Variants in TTC19 observed in about 807,000 individuals in gnomAD.
TTC19 encodes the protein tetratricopeptide repeat domain 19.
A neutral mutation model predicts 49.5 loss-of-function variants in TTC19; 38 were observed. The ratio of observed to expected loss-of-function variants is 0.77; its 90% CI spans 0.59 to 1.01. The LOEUF (loss-of-function observed/expected upper bound fraction) is 1.01. TTC19 is among the 50% of genes least tolerant of loss of function. TTC19 has a pLI of 0.00. For missense variants in TTC19, 475 were observed against 477.7 expected, an observed-to-expected ratio of 0.99 and a Z score of 0.05; for synonymous variants, 204 against 185.2, an observed-to-expected ratio of 1.10 and a Z score of -0.83.
Position 16,017,026 on chromosome 17 carries a change from A to G in TTC19, c.677-7991A>G, listed in dbSNP as rs1292036692. ...TTTTTAAAATCTTCTTTCTTTATACATGTTTCTGTGCTCTGTTTAGACAGT... is the reference window on the plus strand; with the variant it reads ...TTTTTAAAATCTTCTTTCTTTATACGTGTTTCTGTGCTCTGTTTAGACAGT... On this transcript the variant is annotated intron_variant, in intron 7 of 9. Transcript: ENST00000261647. Among the ~76,000 whole-genome samples, 3 of 152,086 alleles carry G rather than the reference A, an allele frequency of 2.0e-5. No homozygotes were observed. The East Asian group carries it at 5.8e-4, about 29-fold the overall frequency.
At chr17:16,040,017 G>C (rs11657160) in intron 2 of TTC19, 214,644 of 387,842 alleles carry the variant, frequency 0.55, 61,616 homozygotes, top group African/African-American at 0.73. Context: ...CTCGAATTCC[G>C]AACCTCAGGT....
At position 16,021,245 on chromosome 17, in the gene TTC19, C is replaced by T. The variant is rs563372528; in HGVS notation, c.677-3772C>T. On this transcript the variant is annotated intron_variant, in intron 7 of 9. Coordinates refer to ENST00000261647, the MANE Select transcript of TTC19 (RefSeq NM_017775.4). ...TAATAAAAATACAAAAAAAATTTAG[C>T]TGGGCGTGGTGGCGCACCTGTAGTC... Among the ~76,000 whole-genome samples the T allele has an allele frequency of 5.3e-5, 8 of 152,226 alleles. No homozygotes were observed. In the South Asian group the frequency reaches 1.0e-3, roughly 20 times the overall value.
Position 16,014,906 on chromosome 17 carries a change from AAGATATATGAAT to A in TTC19, c.676+8343_676+8354del, listed in dbSNP as rs1337147379. 2.6e-5 allele frequency among the ~76,000 whole-genome samples: 4 copies of A among 152,316 alleles called. No individual in the cohort carries two copies. In the East Asian group the frequency reaches 7.7e-4, roughly 29 times the overall value. On this transcript the variant is annotated intron_variant, in intron 7 of 9. Transcript: ENST00000261647. Reference sequence around the variant, plus strand: ...TTAGTCTTATATCCAATTTGGTACCAAGATATATGAATAGATTTATTACTATTATATATCTAG... The same window carrying A: ...TTAGTCTTATATCCAATTTGGTACCAAGATTTATTACTATTATATATCTAG...
downstream of TTC19, among the ~76,000 whole-genome samples, chr17:16,032,785 C>T (rs1972430130): frequency 6.6e-6 from 1 of 152,174 alleles, no homozygotes; most frequent in Non-Finnish European, 1.5e-5. Context: ...CAGATGTTTC[C>T]ATGGAGAATC....
chr17:16,011,419 C>T lies in TTC19; in HGVS notation c.676+4851C>T, dbSNP rs530066505. Reference sequence around the variant, plus strand: ...GGTCTCCTGACTTAGGTGATCCACCCGCCCCAGCCTCCCCAAGTGTTGGGA... The same window carrying T: ...GGTCTCCTGACTTAGGTGATCCACCTGCCCCAGCCTCCCCAAGTGTTGGGA... On this transcript the variant is annotated intron_variant, in intron 7 of 9. Coordinates refer to ENST00000261647, the MANE Select transcript of TTC19 (RefSeq NM_017775.4). Among the ~76,000 whole-genome samples the T allele has an allele frequency of 4.6e-5, 7 of 152,254 alleles. No homozygotes were observed. In the East Asian group the frequency reaches 9.6e-4, roughly 21 times the overall value.
At chr17:16,014,590 AG>A (rs1971162018) in intron 7 of TTC19, among the ~76,000 whole-genome samples, 1 of 152,232 alleles carries the variant, frequency 6.6e-6, no homozygotes, top group African/African-American at 2.4e-5. Context: ...AGCATCCCCC[AG>A]AACCGAAGCT....
chr17:16,006,335 C>T (rs979695220), intron 6 of TTC19, 139 bp from the exon 7 acceptor site: 9 of 689,822 alleles, frequency 1.3e-5, no homozygotes, highest in South Asian at 4.6e-5. Context: ...GCTTGAACCC[C>T]GGAGGTGGAG....
intron 2 of TTC19, 185 bp downstream of exon 2, chr17:16,000,430 C>CTT: frequency 6.9e-7 from 1 of 1,444,832 alleles, no homozygotes; most frequent in Non-Finnish European, 9.1e-7. Context: ...TTTTCCGACT[C>CTT]TAAGGCCTGC....
chr17:16,011,460 A>G (rs531664772), intron 7 of TTC19, among the ~76,000 whole-genome samples: 1 of 152,368 alleles, frequency 6.6e-6, no homozygotes, highest in Admixed American at 6.5e-5. Context: ...GGCGTGAGCC[A>G]CCGCGCCCGG....
chr17:16,026,739 G>C (rs200137820), intron 9 of TTC19, 37 bp downstream of exon 9: 6 of 1,609,124 alleles, frequency 3.7e-6, no homozygotes, highest in Non-Finnish European at 5.1e-6. Context: ...CTTGCTTTAA[G>C]GGAGGGATGT....
chr17:16,011,425 A>G (rs1221508843), intron 7 of TTC19, among the ~76,000 whole-genome samples: 4 of 152,082 alleles, frequency 2.6e-5, no homozygotes, highest in Non-Finnish European at 1.5e-5. Flanking sequence ...CACCCGCCCC[A>G]GCCTCCCCAA....
chr17:16,020,690 A>G (rs1299119877), intron 7 of TTC19, among the ~76,000 whole-genome samples: 2 of 151,730 alleles, frequency 1.3e-5, no homozygotes, highest in East Asian at 3.9e-4. Context: ...CCCCCAAGAG[A>G]CAAGGTCTTC....
chr17:16,044,814 C>T, exon 3 of TTC19: 1 of 1,091,618 alleles, frequency 9.2e-7, no homozygotes, highest in South Asian at 1.3e-5. Context: ...AATGTAGGGG[C>T]TGGTGGACCT....
intron 7 of TTC19, chr17:16,023,195 T>TA (rs1971438333): frequency 6.6e-6 from 1 of 152,222 alleles, no homozygotes; most frequent in Non-Finnish European, 1.5e-5. Context: ...GGTCAGAATG[T>TA]GCTGTGAATT....
chr17:16,005,708 A>T (rs1037656844), intron 6 of TTC19, among the ~76,000 whole-genome samples: 1 of 152,224 alleles, frequency 6.6e-6, no homozygotes, highest in Non-Finnish European at 1.5e-5. Flanking sequence ...AGAAACTTTT[A>T]TCAGAGACTT....
chr17:16,019,330 T>A lies in TTC19; in HGVS notation c.677-5687T>A, dbSNP rs55867719. Among the ~76,000 whole-genome samples, 1,186 of 152,250 alleles carry A rather than the reference T, an allele frequency of 7.8e-3. 15 individuals are homozygous for A. The highest frequency in any genetic ancestry group is 0.028 in the African/African-American group (1,143 of 41,544). ...CCTGGGTGACAGAGTGAAGACTCCG[T>A]CTCCAAAACAAAAAAACAATATACA... On this transcript the variant is annotated intron_variant, in intron 7 of 9. Coordinates refer to ENST00000261647, the MANE Select transcript of TTC19 (RefSeq NM_017775.4).
intron 7 of TTC19, among the ~76,000 whole-genome samples, chr17:16,012,250 A>G (rs1161064985): frequency 1.3e-5 from 2 of 152,140 alleles, no homozygotes; most frequent in African/African-American, 4.8e-5. Flanking sequence ...GCACTTTGGG[A>G]GGCCAAGGCG....
At chr17:16,042,908 G>T (rs182909420) in intron 2 of TTC19, among the ~76,000 whole-genome samples, 2 of 152,260 alleles carry the variant, frequency 1.3e-5, no homozygotes, top group East Asian at 3.9e-4. Flanking sequence ...TACAAATTTG[G>T]GAGTTTTCAG....
At chr17:16,013,801 G>C (rs1971142529) in intron 7 of TTC19, among the ~76,000 whole-genome samples, 1 of 152,188 alleles carries the variant, frequency 6.6e-6, no homozygotes. Flanking sequence ...TTCGTAAAGT[G>C]CCTTCAGACT....
Sources: allele counts gnomAD v4.1 joint callset (sites outside exome capture counted in the v4.1 genomes callset), GRCh38; gene constraint gnomAD v4.1.1; transcripts MANE v1.5; gene names NCBI Gene and HGNC (gene_info 2026-07-23, HGNC 2026-07-21).